Variants in MDFIC2 observed in about 807,000 individuals in gnomAD.
MDFIC2 encodes the protein MyoD family inhibitor domain containing 2.
intron 2 of MDFIC2, among the ~76,000 whole-genome samples, chr3:70,231,858 C>A (rs111968233): frequency 6.6e-6 from 1 of 152,098 alleles, no homozygotes; most frequent in African/African-American, 2.4e-5. Flanking sequence ...ACTAAACAGG[C>A]CTGCTGTGAT....
At chr3:70,295,176 GAT>G (rs1702277614) in intron 2 of MDFIC2, among the ~76,000 whole-genome samples, 1 of 152,164 alleles carries the variant, frequency 6.6e-6, no homozygotes, top group South Asian at 2.1e-4. Flanking sequence ...ACTGCCCTGA[GAT>G]GTGTGGATTC....
intron 2 of MDFIC2, among the ~76,000 whole-genome samples, chr3:70,256,976 G>T (rs1327469603): frequency 6.6e-6 from 1 of 152,158 alleles, no homozygotes; most frequent in Non-Finnish European, 1.5e-5. Flanking sequence ...GCCCGACTAT[G>T]GGCTGAGCGA....
chr3:70,204,473 CTT>C (rs1701271969), intron 3 of MDFIC2: 1 of 152,104 alleles, frequency 6.6e-6, no homozygotes, highest in Non-Finnish European at 1.5e-5. Flanking sequence ...TTTCCTTTCT[CTT>C]TTATCCAGGT....
intron 2 of MDFIC2, among the ~76,000 whole-genome samples, chr3:70,208,669 A>C (rs986810916): frequency 6.6e-6 from 1 of 152,044 alleles, no homozygotes; most frequent in African/African-American, 2.4e-5. Context: ...AAAAAGAGAG[A>C]GAACAGCCCA....
At chr3:70,258,952 T>G (rs1008424350) in intron 2 of MDFIC2, among the ~76,000 whole-genome samples, 7 of 152,154 alleles carry the variant, frequency 4.6e-5, no homozygotes, top group Non-Finnish European at 7.4e-5. Context: ...CATTGAAATT[T>G]AAATATATAT....
intron 2 of MDFIC2, among the ~76,000 whole-genome samples, chr3:70,220,919 G>GGGCTT (rs1249286717): frequency 6.6e-6 from 1 of 152,118 alleles, no homozygotes; most frequent in Non-Finnish European, 1.5e-5. Flanking sequence ...GCTTAGCACA[G>GGGCTT]GGCTTGGCGT....
intron 2 of MDFIC2, among the ~76,000 whole-genome samples, chr3:70,216,393 C>T (rs960242839): frequency 6.6e-6 from 1 of 151,508 alleles, no homozygotes; most frequent in Non-Finnish European, 1.5e-5. Context: ...ATATATTAAC[C>T]CATTTAATAC....
intron 2 of MDFIC2, among the ~76,000 whole-genome samples, chr3:70,234,224 G>T (rs1373677803): frequency 2.0e-5 from 3 of 152,148 alleles, no homozygotes; most frequent in Non-Finnish European, 4.4e-5. Context: ...CACTTAGAGG[G>T]CTGGGTTGAC....
At chr3:70,297,536 T>C (rs1404731285) in intron 2 of MDFIC2, among the ~76,000 whole-genome samples, 1 of 152,120 alleles carries the variant, frequency 6.6e-6, no homozygotes, top group Non-Finnish European at 1.5e-5. Context: ...AGGCTTATTA[T>C]TGCATATGTC....
chr3:70,290,160 T>TC (rs566820112), intron 2 of MDFIC2, among the ~76,000 whole-genome samples: 2,571 of 152,314 alleles, frequency 0.017, 29 homozygotes, highest in Non-Finnish European at 0.027. Flanking sequence ...TTCCAGTTTT[T>TC]CTGTTCTGTT....
At position 70,226,592 on chromosome 3, in the gene MDFIC2, G is replaced by A. The variant is rs577102018; in HGVS notation, c.89-19802C>T. Among the ~76,000 whole-genome samples the A allele has an allele frequency of 2.2e-3, 330 of 152,090 alleles. 6 individuals carry two copies. Among genetic ancestry groups the A allele is most frequent in the Non-Finnish European group, 2.9e-4 (20 of 67,992 alleles). The stretch of plus-strand genomic sequence containing the variant: ...GTCTCTATTAAAAATACAAAAATTA[G>A]CCAGGCATGGTGGCGGGTGCCTGTA... On this transcript the variant is annotated intron_variant, in intron 2 of 3. Transcript: ENST00000567252.
At chr3:70,198,807 C>A (rs1028563082) in intron 3 of MDFIC2, among the ~76,000 whole-genome samples, 2 of 152,208 alleles carry the variant, frequency 1.3e-5, no homozygotes, top group Non-Finnish European at 1.5e-5. Context: ...TTTTTCTTCA[C>A]TTAGAGCCAG....
At chr3:70,274,090 T>TGTGTGTGC (rs770689062) in intron 2 of MDFIC2, among the ~76,000 whole-genome samples, 26 of 145,062 alleles carry the variant, frequency 1.8e-4, no homozygotes, top group Non-Finnish European at 3.3e-4. Flanking sequence ...TGTGTGTGTG[T>TGTGTGTGC]GCGCGCGCGC....
chr3:70,249,918 A>G (rs1701744702), intron 2 of MDFIC2, among the ~76,000 whole-genome samples: 1 of 152,196 alleles, frequency 6.6e-6, no homozygotes, highest in Admixed American at 6.6e-5. Context: ...TTCTGGCAAA[A>G]AAGGAACAGT....
At chr3:70,202,665 T>A (rs1701251519) in intron 3 of MDFIC2, among the ~76,000 whole-genome samples, 1 of 152,158 alleles carries the variant, frequency 6.6e-6, no homozygotes, top group South Asian at 2.1e-4. Flanking sequence ...AACAGTGGTG[T>A]TTTGCTGGGA....
chr3:70,230,397 G>C (rs1701546914), intron 2 of MDFIC2, among the ~76,000 whole-genome samples: 1 of 152,034 alleles, frequency 6.6e-6, no homozygotes, highest in Non-Finnish European at 1.5e-5. Context: ...GTGTATATTT[G>C]AGGGCTGGTG....
chr3:70,206,621 T>C lies in MDFIC2; in HGVS notation c.258A>G (p.Thr86=). The C allele has an allele frequency of 2.5e-6, 1 of 397,842 alleles. No homozygotes were observed. Among genetic ancestry groups the C allele is most frequent in the Admixed American group, 4.4e-5 (1 of 22,686 alleles). 24.6% of individuals were successfully genotyped at this position (397,842 alleles called of 1,614,324 possible). The part of the protein sequence containing the change: ...TSLSSLEECQ[T]TFSYLQTDTS... ...TATCAGTTTGGAGGTAAGAAAATGT[T>C]GTTTGGCATTCTTCAAGGGAGGACA... Residue 86 remains threonine (T), a synonymous_variant, in exon 3 of 4, where the codon ACA becomes ACG. Transcript: ENST00000567252.
rs1043339831 is a variant in MDFIC2 at position 70,285,283 on chromosome 3, C to T, written c.88+26603G>A. On this transcript the variant is annotated intron_variant, in intron 2 of 3. Coordinates refer to ENST00000567252, the MANE Select transcript of MDFIC2 (RefSeq NM_001364677.1). ...CCATGTGTTCTCATTGTTCAATTCC[C>T]ACCTATGAGTGAGAATATGTGGTGT... Among the ~76,000 whole-genome samples the T allele has an allele frequency of 5.4e-5, 8 of 147,986 alleles. 1 individual carries two copies. The highest frequency in any genetic ancestry group is 2.0e-4 in the African/African-American group (8 of 40,054).
At chr3:70,244,968 C>A (rs1314683191) in intron 2 of MDFIC2, among the ~76,000 whole-genome samples, 1 of 152,070 alleles carries the variant, frequency 6.6e-6, no homozygotes, top group African/African-American at 2.4e-5. Context: ...AAAAATCATA[C>A]TACTTATCTG....
Sources: allele counts gnomAD v4.1 joint callset (sites outside exome capture counted in the v4.1 genomes callset), GRCh38; gene constraint gnomAD v4.1.1; transcripts MANE v1.5; gene names NCBI Gene and HGNC (gene_info 2026-07-23, HGNC 2026-07-21).